The following TTN variants were observed in gnomAD, a reference collection of about 807,000 sequenced individuals.
TTN encodes titin, also known as connectin.
In TTN, 1,525 loss-of-function variants were observed where a neutral mutation model predicts 3,223.0. The observed-to-expected ratio is 0.47, with a 90% CI of 0.45 to 0.49. TTN has a LOEUF of 0.49. Ranked by LOEUF, TTN falls within the 20% of genes least tolerant of loss-of-function variation. TTN has a pLI of 0.00. For missense variants in TTN, 40,786 were observed against 43,424.0 expected (o/e 0.94, Z 5.40); for synonymous variants, 14,094 against 15,161.0 (o/e 0.93, Z 5.17).
rs766346925 is a variant in TTN at position 178,548,103 on chromosome 2, G to T, written c.93523C>A (p.Arg31175Ser). Residue 31175 changes from arginine (R) to serine (S), a missense_variant, in exon 339 of 363, where the codon CGT becomes AGT. By Grantham distance (110) the Arg-to-Ser change is moderately radical (BLOSUM62 -1). Coordinates refer to ENST00000589042, the MANE Select transcript of TTN (RefSeq NM_001267550.2). The surrounding 1 kb of genome is among the most constrained non-coding windows in gnomAD (Gnocchi z 4.3). ...TCATATTCAGTTTTCTCAACAAGAC[G>T]CTCTACTGTGAAAGTTAGCTGTTTG... ...HTKQLTFTVE[R>S]LVEKTEYEFR... is the part of the protein sequence containing the mutation. The T allele has an allele frequency of 6.2e-7, 1 of 1,613,804 alleles. No homozygotes were observed. Among genetic ancestry groups the T allele is most frequent in the Non-Finnish European group, 8.5e-7 (1 of 1,179,784 alleles).
At chr2:178,780,347 A>G (rs2092654704) in intron 21 of TTN, 142 bp from the exon 22 acceptor site, 1 of 706,182 alleles carries the variant, frequency 1.4e-6, no homozygotes, top group East Asian at 2.7e-5. Context: ...GAAGTGCTCA[A>G]TATTTTCTAG....
In TTN at chr2:178,576,431, A is replaced by C. The variant is rs374363551; in HGVS notation, c.69716-15T>G. 8.9e-6 allele frequency: 14 copies of C among 1,577,698 alleles called. No homozygotes were observed. Among genetic ancestry groups the C allele is most frequent in the Non-Finnish European group, 1.2e-5 (14 of 1,169,210 alleles). ...TCCTGGAGGATCTGAGAAAGAAACA[A>C]AGACACAAAAGTATATATTCAGAGT... is the stretch of plus-strand genomic sequence containing the variant. On this transcript the variant is annotated splice_polypyrimidine_tract_variant and intron_variant, in intron 325 of 362. Coordinates refer to ENST00000589042, the MANE Select transcript of TTN (RefSeq NM_001267550.2). This position sits in a 1 kb window ranked among gnomAD's most constrained non-coding sequence, Gnocchi z 4.3.
rs2078140060 is a variant in TTN at position 178,720,278 on chromosome 2, T to G, written c.23378-14A>C. 6.2e-7 allele frequency: 1 copy of G among 1,601,146 alleles called. No individual in the cohort carries two copies. The highest frequency in any genetic ancestry group is 8.5e-7 in the Non-Finnish European group (1 of 1,172,246). ...ATCGTGGAGGTTCTGATGAAAGAAATTTGTGGTTAGAGGAAAAAATGTGAG... is the reference window on the plus strand; with the variant it reads ...ATCGTGGAGGTTCTGATGAAAGAAAGTTGTGGTTAGAGGAAAAAATGTGAG... On this transcript the variant is annotated splice_polypyrimidine_tract_variant and intron_variant, in intron 80 of 362. Coordinates refer to ENST00000589042, the MANE Select transcript of TTN (RefSeq NM_001267550.2).
chr2:178,697,971 C>T (rs1270806561), intron 112 of TTN, among the ~76,000 whole-genome samples: 1 of 152,016 alleles, frequency 6.6e-6, no homozygotes, highest in Non-Finnish European at 1.5e-5. Flanking sequence ...TTCACAAAGA[C>T]CAAGTTATGG....
rs2046674740 is a variant in TTN, at chr2:178,577,397, T to C, written c.68938A>G (p.Ser22980Gly). Reference protein sequence around the residue: ...SILGKPLPKSSWSKAGKDIRP... With the variant: ...SILGKPLPKSGWSKAGKDIRP... ...ATGTCTTTTCCTGCCTTGGACCAAC[T>C]TGATTTTGGAAGGGGTTTGCCAAGA... Residue 22980 changes from serine (S) to glycine (G), a missense_variant, in exon 324 of 363, where the codon AGT becomes GGT. Ser to Gly is a moderately conservative substitution (Grantham distance 56). Coordinates refer to ENST00000589042, the MANE Select transcript of TTN (RefSeq NM_001267550.2). 1.2e-6 allele frequency: 2 copies of C among 1,612,720 alleles called. No homozygotes were observed. Among genetic ancestry groups the C allele is most frequent in the Admixed American group, 1.7e-5 (1 of 59,904 alleles).
At chr2:178,650,374 T>A in intron 209 of TTN, 103 bp from the exon 210 acceptor site, 1 of 1,084,796 alleles carries the variant, frequency 9.2e-7, no homozygotes, top group Non-Finnish European at 1.3e-6. Context: ...TTCCTTTGTT[T>A]CAATTGATAC....
chr2:178,532,971 A>C lies in TTN; in HGVS notation c.103644T>G (p.Tyr34548Ter). 3.7e-6 allele frequency: 6 copies of C among 1,613,888 alleles called. No individual in the cohort carries two copies. Among genetic ancestry groups the C allele is most frequent in the Non-Finnish European group, 5.1e-6 (6 of 1,179,852 alleles). Residue 34548 changes from tyrosine (Y) to a stop codon, truncating the protein, a stop_gained, in exon 358 of 363, where the codon TAT (tyrosine) becomes TAG (stop). Transcript: ENST00000589042. LOFTEE classifies it high-confidence loss of function. The part of the protein sequence containing the change: ...MPYDVPEPRK[Y>*]KQTTIEEDQR... Reference sequence around the variant, plus strand: ...GGTCTTCTTCTATGGTAGTCTGCTTATACTTGCGTGGCTCTGGTACATCAT... The same window carrying C: ...GGTCTTCTTCTATGGTAGTCTGCTTCTACTTGCGTGGCTCTGGTACATCAT...
intron 122 of TTN, 29 bp downstream of exon 122, chr2:178,689,784 A>G (rs2071860673): frequency 1.3e-6 from 2 of 1,574,080 alleles, no homozygotes; most frequent in African/African-American, 1.4e-5. Context: ...AAGATAAAAG[A>G]TAGGGCTTTA....
rs201119122 is a variant in TTN, at chr2:178,587,331, C to T, written c.63880G>A (p.Gly21294Ser). 33 of 1,612,590 alleles carry T rather than the reference C, an allele frequency of 2.0e-5. No homozygotes were observed. The highest frequency in any genetic ancestry group is 5.3e-5 in the African/African-American group (4 of 74,812). The change falls in exon 307 of 363, where the codon GGT becomes AGT. Residue 21294 changes from glycine to serine, a missense_variant. Coordinates refer to ENST00000589042, the MANE Select transcript of TTN (RefSeq NM_001267550.2). ...HVSWAPPEND[G>S]GSQVTHYIVE... ...ATATAATGTGTCACTTGGCTCCCAC[C>T]GTCGTTTTCAGGAGGGGCCCAGGAC...
chr2:178,768,269 T>C, intron 38 of TTN, 114 bp from the exon 39 acceptor site: 1 of 1,285,868 alleles, frequency 7.8e-7, no homozygotes, highest in Non-Finnish European at 1.1e-6. Flanking sequence ...TTCCATGTAT[T>C]CATCATTGTG....
chr2:178,786,331 T>C (rs550319803), intron 13 of TTN, among the ~76,000 whole-genome samples, 190 bp from the exon 14 acceptor site: 4 of 152,238 alleles, frequency 2.6e-5, no homozygotes, highest in Non-Finnish European at 4.4e-5. Flanking sequence ...TATTTAGATA[T>C]ACTCTCTGTA....
chr2:178,537,297 T>G (rs1258687139), intron 355 of TTN, 45 bp downstream of exon 355: 1 of 1,527,734 alleles, frequency 6.5e-7, no homozygotes, highest in Non-Finnish European at 8.8e-7. Flanking sequence ...TTTGAGATTT[T>G]TTTTTCTTTA....
rs2081327474 is a variant in TTN at position 178,735,727 on chromosome 2, G to T, written c.14719C>A (p.Leu4907Ile). The T allele has an allele frequency of 6.2e-7, 1 of 1,613,800 alleles. No homozygotes were observed. The highest frequency in any genetic ancestry group is 2.2e-5 in the East Asian group (1 of 44,832). The change falls in exon 50 of 363, where the codon CTT (leucine) becomes ATT (isoleucine). Residue 4907 changes from leucine (L) to isoleucine (I), a missense_variant. Coordinates refer to ENST00000589042, the MANE Select transcript of TTN (RefSeq NM_001267550.2). ...CTGTCTTCATCTACTTGGCACTCAA[G>T]GTGGACCTTCTTATTGATAGCGGAC... ...VQSAINKKVH[L>I]ECQVDEDRKV...
chr2:178,593,789 G>C lies in TTN; in HGVS notation c.58511C>G (p.Pro19504Arg). Reference protein sequence around the residue: ...KDYMVISWKPPLDDGGSKITN... With the variant: ...KDYMVISWKPRLDDGGSKITN... ...GATTTTACTGCCTCCATCATCTAAAGGAGGCTTCCAAGAGATAACCATGTA... is the reference window on the plus strand; with the variant it reads ...GATTTTACTGCCTCCATCATCTAAACGAGGCTTCCAAGAGATAACCATGTA... Residue 19504 changes from proline (P) to arginine (R), a missense_variant, in exon 298 of 363, where the codon CCT becomes CGT. Pro to Arg is a moderately radical substitution (Grantham distance 103, BLOSUM62 -2). Coordinates refer to ENST00000589042, the MANE Select transcript of TTN (RefSeq NM_001267550.2). The C allele has an allele frequency of 6.2e-7, 1 of 1,613,062 alleles. No individual in the cohort carries two copies. The highest frequency in any genetic ancestry group is 8.5e-7 in the Non-Finnish European group (1 of 1,179,592).
Position 178,773,335 on chromosome 2 carries a change from G to A in TTN, c.7629C>T (p.Thr2543=). 6.2e-7 allele frequency: 1 copy of A among 1,613,934 alleles called. No individual in the cohort carries two copies. The highest frequency in any genetic ancestry group is 8.5e-7 in the Non-Finnish European group (1 of 1,179,972). The part of the protein sequence containing the change: ...IKIIRGLRDL[T]CTETQNVVFE... ...ACACCACATTTTGAGTTTCTGTACA[G>A]GTAAGGTCACGAAGACCTCTGATAA... Residue 2543 remains threonine (T), a synonymous_variant, in exon 33 of 363, where the codon ACC becomes ACT. Transcript: ENST00000589042.
In TTN at chr2:178,547,687, G is replaced by A. The variant is rs771653811; in HGVS notation, c.93939C>T (p.Thr31313=). 1.9e-5 allele frequency: 30 copies of A among 1,613,886 alleles called. No homozygotes were observed. Among genetic ancestry groups the A allele is most frequent in the Non-Finnish European group, 2.1e-5 (25 of 1,179,830 alleles). Reference sequence around the variant, plus strand: ...AGACAGATGAGACCTCAATGGGGCCGGTTACTGGACCTGGCCTTCCAATGA... The same window carrying A: ...AGACAGATGAGACCTCAATGGGGCCAGTTACTGGACCTGGCCTTCCAATGA... The part of the protein sequence containing the change: ...VVVIGRPGPV[T]GPIEVSSVSA... The change falls in exon 339 of 363, where the codon ACC becomes ACT. Residue 31313 remains threonine, a synonymous_variant. Coordinates refer to ENST00000589042, the MANE Select transcript of TTN (RefSeq NM_001267550.2).
In TTN at chr2:178,776,020, C is replaced by T. The variant is rs750661834; in HGVS notation, c.5844G>A (p.Glu1948=). The T allele has an allele frequency of 3.7e-6, 6 of 1,614,132 alleles. No homozygotes were observed. In the South Asian group the frequency reaches 6.6e-5, roughly 18 times the overall value. Residue 1948 remains glutamate, a synonymous_variant, in exon 28 of 363, where the codon GAG becomes GAA. Coordinates refer to ENST00000589042, the MANE Select transcript of TTN (RefSeq NM_001267550.2). ...VLRRAPEPRP[E]FHVHEPGKLQ... Reference sequence around the variant, plus strand: ...GCTTTCCTGGTTCATGTACGTGAAACTCAGGCCTTGGTTCAGGAGCTCTCC... The same window carrying T: ...GCTTTCCTGGTTCATGTACGTGAAATTCAGGCCTTGGTTCAGGAGCTCTCC...
rs758062996 is a variant in TTN at position 178,782,301 on chromosome 2, C to T, written c.3291G>A (p.Gly1097=). ...CAACTTGGCATCCAAACACCACGCT[C>T]CCACCTTCCACCAGTTTCTGGACCA... ...KPVVQKLVEG[G]SVVFGCQVGG... The change falls in exon 20 of 363, where the codon GGG becomes GGA. Residue 1097 remains glycine, a synonymous_variant. Coordinates refer to ENST00000589042, the MANE Select transcript of TTN (RefSeq NM_001267550.2). 3.1e-6 allele frequency: 5 copies of T among 1,614,014 alleles called. No individual in the cohort carries two copies. The highest frequency in any genetic ancestry group is 4.5e-5 in the East Asian group (2 of 44,882).
rs181907457 is a variant in TTN at position 178,614,425 on chromosome 2, G to T, written c.49048+41C>A. 5.1e-6 allele frequency: 8 copies of T among 1,580,238 alleles called. No individual in the cohort carries two copies. In the African/African-American group the frequency reaches 9.6e-5, roughly 19 times the overall value. The stretch of plus-strand genomic sequence containing the variant: ...ATTTTTTTCTTTCAAGAAAGTAACT[G>T]CAAAGAGTTTATCCCCTTTTAAAAT... On this transcript the variant is annotated intron_variant, in intron 261 of 362. Coordinates refer to ENST00000589042, the MANE Select transcript of TTN (RefSeq NM_001267550.2).
Sources: allele counts gnomAD v4.1 joint callset (sites outside exome capture counted in the v4.1 genomes callset), GRCh38; gene constraint gnomAD v4.1.1; non-coding constraint Gnocchi (gnomAD v3.1); transcripts MANE v1.5; gene names NCBI Gene and HGNC (gene_info 2026-07-23, HGNC 2026-07-21).